The following CDKL3 variants were observed in gnomAD, a reference collection of about 807,000 sequenced individuals.
CDKL3 encodes cyclin dependent kinase like 3.
CDKL3 carries 65 observed loss-of-function variants against 69.3 expected under a neutral mutation model. The observed-to-expected ratio is 0.94, with a 90% confidence interval of 0.77 to 1.15. The LOEUF (loss-of-function observed/expected upper bound fraction) is 1.15. Among genes scored for constraint, CDKL3 ranks in the 50% most tolerant of loss-of-function variants. The pLI, the probability that CDKL3 is intolerant of heterozygous loss-of-function variation, is 0.00. For missense variants in CDKL3, 652 were observed against 689.2 expected (o/e 0.95, Z 0.61); for synonymous variants, 202 against 221.6 (o/e 0.91, Z 0.79).
chr5:134,364,808 C>CA (rs1357358719), intron 2 of CDKL3, among the ~76,000 whole-genome samples: 1 of 136,022 alleles, frequency 7.4e-6, no homozygotes, highest in Non-Finnish European at 1.6e-5. Flanking sequence ...CCACAGCGCC[C>CA]TTTTTTTTTT....
intron 2 of CDKL3, among the ~76,000 whole-genome samples, chr5:134,363,294 CTATTTATT>C (rs772293841): frequency 5.0e-4 from 76 of 151,762 alleles, no homozygotes; most frequent in African/African-American, 1.8e-3. Flanking sequence ...TAGAGCTGTT[CTATTTATT>C]TATTTATTTG....
At chr5:134,371,160 G>A (rs1758362053), upstream of CDKL3, 3 of 267,994 alleles carry the variant, frequency 1.1e-5, no homozygotes, top group Non-Finnish European at 2.2e-5. Context: ...TCCTTTCCCT[G>A]AAATCTCTGG....
chr5:134,368,389 C>T (rs898909536), upstream of CDKL3, among the ~76,000 whole-genome samples: 13 of 152,042 alleles, frequency 8.6e-5, no homozygotes, highest in East Asian at 1.9e-4. Context: ...GAGGCCCAGG[C>T]GGGCGGATCA....
Position 134,302,632 on chromosome 5 carries a change from T to C in CDKL3, c.1677A>G (p.Ile559Met), listed in dbSNP as rs1188911099. 3.7e-6 allele frequency: 6 copies of C among 1,603,752 alleles called. No individual in the cohort carries two copies. The highest frequency in any genetic ancestry group is 1.1e-5 in the South Asian group (1 of 89,448). The change falls in exon 12 of 13, where the codon ATA becomes ATG. Residue 559 changes from isoleucine to methionine, a missense_variant. By Grantham distance (10) the Ile-to-Met change is conservative (BLOSUM62 1). Transcript: ENST00000265334. ...RESKKTESSK[I>M]PTLLNVDQNQ... is the part of the protein sequence containing the mutation. ...TTTGATCCACGTTAAGTAAAGTTGG[T>C]ATCTTAGATGACTCTGTTTTCTTTG...
At chr5:134,306,745 A>G in intron 9 of CDKL3, 43 bp from the exon 10 acceptor site, 2 of 737,598 alleles carry the variant, frequency 2.7e-6, no homozygotes, top group Non-Finnish European at 4.2e-6. Flanking sequence ...AACTCCCCAG[A>G]AATGCTTTTT....
chr5:134,349,070 T>C (rs532225688), intron 4 of CDKL3, among the ~76,000 whole-genome samples: 1 of 152,314 alleles, frequency 6.6e-6, no homozygotes, highest in East Asian at 1.9e-4. Context: ...TTACTTGACC[T>C]CTGTGTCTTA....
chr5:134,371,555 A>T, upstream of CDKL3: 2 of 1,583,904 alleles, frequency 1.3e-6, no homozygotes, highest in Non-Finnish European at 1.7e-6. Flanking sequence ...GCTGCGCGGG[A>T]CTTTTTTTTT....
chr5:134,365,186 C>T (rs1268855733), intron 2 of CDKL3, among the ~76,000 whole-genome samples: 1 of 151,838 alleles, frequency 6.6e-6, no homozygotes, highest in Non-Finnish European at 1.5e-5. Context: ...GGTTTCACCG[C>T]GTTAGCCAGG....
chr5:134,358,994 T>A (rs1031696500), intron 3 of CDKL3, among the ~76,000 whole-genome samples: 3 of 151,996 alleles, frequency 2.0e-5, no homozygotes, highest in Non-Finnish European at 4.4e-5. Context: ...TTTGATCTTT[T>A]AAAAAATCTG....
intron 5 of CDKL3, among the ~76,000 whole-genome samples, chr5:134,320,812 T>C (rs1772531731): frequency 6.7e-6 from 1 of 149,654 alleles, no homozygotes; most frequent in African/African-American, 2.5e-5. Flanking sequence ...AGGCAGAGCT[T>C]GCAGTGAGCT....
At chr5:134,371,496 G>GGCGGCC, upstream of CDKL3, 1 of 1,473,208 alleles carries the variant, frequency 6.8e-7, no homozygotes, top group African/African-American at 1.5e-5. Flanking sequence ...CGGCGGCGGC[G>GGCGGCC]GCGGCGGCGA....
At chr5:134,360,112 A>C (rs1755649218) in intron 2 of CDKL3, 21 bp from the exon 3 acceptor site, 1 of 1,479,002 alleles carries the variant, frequency 6.8e-7, no homozygotes, top group Admixed American at 2.4e-5. Flanking sequence ...AAGAAACAAC[A>C]CAAATTTTTA....
intron 5 of CDKL3, 52 bp from the exon 6 acceptor site, chr5:134,319,549 C>T (rs546624246): frequency 8.1e-5 from 114 of 1,398,950 alleles, no homozygotes; most frequent in Non-Finnish European, 9.4e-5. Context: ...AGTCTATAAT[C>T]AAAACAATCA....
chr5:134,304,197 G>C (rs1767128588), intron 11 of CDKL3, among the ~76,000 whole-genome samples: 1 of 152,076 alleles, frequency 6.6e-6, no homozygotes, highest in South Asian at 2.1e-4. Context: ...CCAAAATGCT[G>C]GGATTACACG....
intron 4 of CDKL3, among the ~76,000 whole-genome samples, chr5:134,345,639 G>A (rs1386629984): frequency 6.6e-6 from 1 of 152,158 alleles, no homozygotes; most frequent in Non-Finnish European, 1.5e-5. Flanking sequence ...AAAGGGGGTT[G>A]TTCTTTGGCA....
chr5:134,331,391 G>T (rs566302119), intron 4 of CDKL3, among the ~76,000 whole-genome samples: 1 of 151,978 alleles, frequency 6.6e-6, no homozygotes, highest in Non-Finnish European at 1.5e-5. Context: ...GTGCCATGTT[G>T]GTTTGCTGTA....
chr5:134,363,236 T>C (rs1756488353), intron 2 of CDKL3, among the ~76,000 whole-genome samples: 1 of 152,174 alleles, frequency 6.6e-6, no homozygotes, highest in Non-Finnish European at 1.5e-5. Flanking sequence ...CTGATATCTT[T>C]CACAAAATCA....
intron 10 of CDKL3, among the ~76,000 whole-genome samples, chr5:134,306,220 T>C (rs1381028376): frequency 2.0e-5 from 3 of 152,008 alleles, no homozygotes; most frequent in East Asian, 3.9e-4. Context: ...AGAGGCTGGG[T>C]GCGTTGGCTC....
intron 4 of CDKL3, among the ~76,000 whole-genome samples, chr5:134,344,688 C>T (rs137957609): frequency 3.6e-4 from 55 of 152,276 alleles, no homozygotes; most frequent in African/African-American, 1.3e-3. Context: ...CATTGGTAGG[C>T]TGAGGCGGGA....
Sources: gnomAD v4.1 joint callset for allele counts (sites outside exome capture counted in the v4.1 genomes callset) on GRCh38, gnomAD v4.1.1 for gene constraint, MANE v1.5 for transcripts, NCBI Gene and HGNC (gene_info 2026-07-23, HGNC 2026-07-21) for gene names.